The following RNF157 variants were observed in gnomAD, a reference collection of about 807,000 sequenced individuals.
RNF157 encodes the protein E3 ubiquitin ligase RNF157.
RNF157 carries 55 observed loss-of-function variants against 88.3 expected under a neutral mutation model. The ratio of observed to expected loss-of-function variants is 0.62; its 90% CI spans 0.50 to 0.78. The LOEUF is 0.78. RNF157 is among the 30% of genes least tolerant of loss of function. The pLI is 0.00. For synonymous variants in RNF157, 334 were observed against 341.2 expected, an observed-to-expected ratio of 0.98 and a Z score of 0.23; for missense variants, 788 against 860.8, an observed-to-expected ratio of 0.92 and a Z score of 1.06.
At chr17:76,185,424 C>A (rs1159016497) in intron 2 of RNF157, among the ~76,000 whole-genome samples, 1 of 152,062 alleles carries the variant, frequency 6.6e-6, no homozygotes, top group Non-Finnish European at 1.5e-5. Flanking sequence ...GTCATCTTTT[C>A]CCCTCCAGCG....
At chr17:76,237,742 C>T (rs1263740073) in intron 1 of RNF157, among the ~76,000 whole-genome samples, 1 of 152,006 alleles carries the variant, frequency 6.6e-6, no homozygotes. Flanking sequence ...TGCTTGAGAC[C>T]ACGAGTTCAA....
intron 2 of RNF157, among the ~76,000 whole-genome samples, chr17:76,205,062 G>A (rs539440769): frequency 6.6e-6 from 1 of 151,564 alleles, no homozygotes; most frequent in Non-Finnish European, 1.5e-5. Context: ...GCTGGGATTA[G>A]AGGCGTGAGC....
intron 2 of RNF157, among the ~76,000 whole-genome samples, chr17:76,211,570 T>A (rs546701227): frequency 4.4e-4 from 67 of 152,358 alleles, no homozygotes; most frequent in African/African-American, 1.5e-3. Flanking sequence ...GAAAAATGTA[T>A]ATAAAACCCT....
chr17:76,166,870 G>T, intron 5 of RNF157, 139 bp downstream of exon 5: 1 of 662,764 alleles, frequency 1.5e-6, no homozygotes, highest in Non-Finnish European at 2.6e-6. Flanking sequence ...GCTTTAAAAG[G>T]ACATGATGAA....
chr17:76,230,818 A>G (rs894553858), intron 1 of RNF157, among the ~76,000 whole-genome samples: 43 of 125,476 alleles, frequency 3.4e-4, no homozygotes, highest in African/African-American at 1.1e-3. Flanking sequence ...AGCCTGGGCG[A>G]AAGAACAAGA....
intron 12 of RNF157, 21 bp downstream of exon 12, chr17:76,159,314 T>C: frequency 6.3e-7 from 1 of 1,589,970 alleles, no homozygotes; most frequent in South Asian, 1.1e-5. Flanking sequence ...GGGGCAACAG[T>C]GTGGAGCACT....
intron 3 of RNF157, among the ~76,000 whole-genome samples, chr17:76,172,210 A>G (rs1488239492): frequency 6.6e-6 from 1 of 152,206 alleles, no homozygotes; most frequent in Non-Finnish European, 1.5e-5. Flanking sequence ...ATTAGTGGTT[A>G]CTTAGGGCTG....
intron 12 of RNF157, among the ~76,000 whole-genome samples, chr17:76,158,709 C>T (rs2144827698): frequency 6.6e-6 from 1 of 152,266 alleles, no homozygotes; most frequent in East Asian, 1.9e-4. Flanking sequence ...AGTACAGCCT[C>T]CTGAGTAGCC....
intron 1 of RNF157, among the ~76,000 whole-genome samples, chr17:76,237,747 G>C (rs1305878426): frequency 6.6e-6 from 1 of 152,164 alleles, no homozygotes; most frequent in Non-Finnish European, 1.5e-5. Flanking sequence ...GAGACCACGA[G>C]TTCAAGACCA....
chr17:76,228,940 T>C (rs555917018), intron 1 of RNF157, among the ~76,000 whole-genome samples: 5 of 149,180 alleles, frequency 3.4e-5, no homozygotes, highest in South Asian at 4.2e-4. Context: ...ATAATAATAA[T>C]ACAAAAAAAA....
chr17:76,226,332 A>C (rs899005513), intron 1 of RNF157: 1 of 1,603,212 alleles, frequency 6.2e-7, no homozygotes, highest in African/African-American at 1.3e-5. Flanking sequence ...AGTTGCAAGA[A>C]GGTGAAGGGG....
chr17:76,147,164 G>T (rs2068598106), intron 18 of RNF157: 1 of 984,910 alleles, frequency 1.0e-6, no homozygotes, highest in Admixed American at 6.2e-5. Flanking sequence ...ATGTGTCTAA[G>T]TGTGGCAGGA....
rs115933240 is a variant in RNF157, at chr17:76,214,097, A to G, written c.89-1615T>C. Among the ~76,000 whole-genome samples, 860 of 152,234 alleles carry G rather than the reference A, an allele frequency of 5.6e-3. 9 individuals are homozygous for G. Among genetic ancestry groups the G allele is most frequent in the African/African-American group, 0.02 (821 of 41,522 alleles). On this transcript the variant is annotated intron_variant, in intron 1 of 18. Transcript: ENST00000269391. Reference sequence around the variant, plus strand: ...CCCTGCTTTCTGGTTGGTTAGTTGGAAGCACAGGTAAAACAACCTGGGGCT... The same window carrying G: ...CCCTGCTTTCTGGTTGGTTAGTTGGGAGCACAGGTAAAACAACCTGGGGCT...
intron 1 of RNF157, among the ~76,000 whole-genome samples, chr17:76,238,040 C>A (rs921756559): frequency 1.3e-5 from 2 of 149,792 alleles, no homozygotes; most frequent in African/African-American, 2.5e-5. Flanking sequence ...GCCAATATTG[C>A]ACCACTTCAT....
At chr17:76,182,961 C>T (rs529946752) in intron 2 of RNF157, among the ~76,000 whole-genome samples, 45 of 151,630 alleles carry the variant, frequency 3.0e-4, no homozygotes, top group South Asian at 2.3e-3. Context: ...TTACTTTTCG[C>T]TCTTGTTGCC....
At chr17:76,211,071 C>T (rs1415159618) in intron 2 of RNF157, among the ~76,000 whole-genome samples, 1 of 152,224 alleles carries the variant, frequency 6.6e-6, no homozygotes, top group Admixed American at 6.5e-5. Context: ...TCCCAAAGTG[C>T]TGGGATTACA....
At chr17:76,155,435 T>A in intron 15 of RNF157, 118 bp from the exon 16 acceptor site, 2 of 1,445,422 alleles carry the variant, frequency 1.4e-6, no homozygotes, top group Non-Finnish European at 1.9e-6. Context: ...GGGAATGCCT[T>A]GTTTTCTGCA....
intron 18 of RNF157, chr17:76,147,207 A>C: frequency 1.0e-6 from 1 of 984,966 alleles, no homozygotes; most frequent in Non-Finnish European, 1.2e-6. Flanking sequence ...TTGCCTTTAA[A>C]GTGAAGAACC....
rs534996683 is a variant in RNF157, at chr17:76,176,902, C to T, written c.208-3112G>A. Reference sequence around the variant, plus strand: ...CCATTGGCGCAGCCACTGTGCCCACCCTGCCGAGGGTGCCAGGTTCCTGTG... The same window carrying T: ...CCATTGGCGCAGCCACTGTGCCCACTCTGCCGAGGGTGCCAGGTTCCTGTG... On this transcript the variant is annotated intron_variant, in intron 2 of 18. Transcript: ENST00000269391. This position sits in a 1 kb window ranked among gnomAD's most constrained non-coding sequence, Gnocchi z 4.2. Among the ~76,000 whole-genome samples the T allele has an allele frequency of 5.9e-5, 9 of 152,302 alleles. No homozygotes were observed. The South Asian group carries it at 1.9e-3, about 32-fold the overall frequency.
Sources: gnomAD v4.1 joint callset for allele counts (sites outside exome capture counted in the v4.1 genomes callset) on GRCh38, gnomAD v4.1.1 for gene constraint, Gnocchi (gnomAD v3.1) non-coding constraint, MANE v1.5 for transcripts, NCBI Gene and HGNC (gene_info 2026-07-23, HGNC 2026-07-21) for gene names.